The following PHACTR2 variants were observed in gnomAD, a reference collection of about 807,000 sequenced individuals.
The protein encoded by PHACTR2 is phosphatase and actin regulator 2.
A neutral mutation model predicts 76.0 loss-of-function variants in PHACTR2; 30 were observed. The observed-to-expected ratio is 0.39, with a 90% CI of 0.30 to 0.54. The LOEUF is 0.54. PHACTR2 is among the 20% of genes least tolerant of loss of function. The pLI is 0.61. For synonymous variants in PHACTR2, 292 were observed against 292.5 expected, an observed-to-expected ratio of 1.00 and a Z score of 0.02; for missense variants, 696 against 781.1, an observed-to-expected ratio of 0.89 and a Z score of 1.30.
rs562581240 is a variant in PHACTR2, at chr6:143,578,851, G to T, written c.217+41644G>T. On this transcript the variant is annotated intron_variant, in intron 1 of 11. Transcript: ENST00000367584. The surrounding 1 kb of genome is among the most constrained non-coding windows in gnomAD (Gnocchi z 4.5). ...TAACGTATTTTCAAAAATGCCTATT[G>T]TGATTTGTGTTTTTACCCATATCCC... Among the ~76,000 whole-genome samples, 1 of 152,232 alleles carries T rather than the reference G, an allele frequency of 6.6e-6. No individual in the cohort carries two copies. Among genetic ancestry groups the T allele is most frequent in the African/African-American group, 2.4e-5 (1 of 41,548 alleles).
chr6:143,724,475 C>T (rs1346010587), intron 2 of PHACTR2, among the ~76,000 whole-genome samples: 1 of 152,124 alleles, frequency 6.6e-6, no homozygotes, highest in Non-Finnish European at 1.5e-5. Flanking sequence ...CTTTTCCAGA[C>T]TAGAGCAAAG....
Position 143,811,527 on chromosome 6 carries a change from G to A in PHACTR2, c.1922+4394G>A, listed in dbSNP as rs1017777619. 6.6e-6 allele frequency among the ~76,000 whole-genome samples: 1 copy of A among 151,684 alleles called. No homozygotes were observed. Among genetic ancestry groups the A allele is most frequent in the Non-Finnish European group, 1.5e-5 (1 of 67,856 alleles). On this transcript the variant is annotated intron_variant, in intron 12 of 12. Coordinates refer to ENST00000440869, the MANE Select transcript of PHACTR2 (RefSeq NM_001100164.2). The surrounding 1 kb of genome is among the most constrained non-coding windows in gnomAD (Gnocchi z 4.1). The stretch of plus-strand genomic sequence containing the variant: ...AGGGAGAGTAACAGCTAATATCAAG[G>A]GTAAATTTTAAAAGTTCTCCAAAAC...
At chr6:143,644,760 T>C (rs1159623832) in intron 1 of PHACTR2, among the ~76,000 whole-genome samples, 1 of 135,378 alleles carries the variant, frequency 7.4e-6, no homozygotes, top group African/African-American at 2.7e-5. Context: ...TTAGGGTTTG[T>C]TTTTTTTTTT....
intron 1 of PHACTR2, among the ~76,000 whole-genome samples, chr6:143,609,609 C>A (rs1775945980): frequency 6.6e-6 from 1 of 152,024 alleles, no homozygotes; most frequent in Non-Finnish European, 1.5e-5. Flanking sequence ...TGAAGATCAA[C>A]CAAAAGCTTC....
At position 143,585,901 on chromosome 6, in the gene PHACTR2, A is replaced by T. The variant is rs750628632; in HGVS notation, c.217+48694A>T. 6.6e-6 allele frequency among the ~76,000 whole-genome samples: 1 copy of T among 152,262 alleles called. No homozygotes were observed. The highest frequency in any genetic ancestry group is 1.5e-5 in the Non-Finnish European group (1 of 68,044). On this transcript the variant is annotated intron_variant, in intron 1 of 11. Transcript: ENST00000367584. This position sits in a 1 kb window ranked among gnomAD's most constrained non-coding sequence, Gnocchi z 5.2. ...TTTAAGCTGGGGCCGCTAGCACTTC[A>T]TGGCAGGGACACATTATTTTTCTTC...
chr6:143,765,193 C>A lies in PHACTR2; in HGVS notation c.695-68C>A. On this transcript the variant is annotated intron_variant, in intron 5 of 12. Coordinates refer to ENST00000440869, the MANE Select transcript of PHACTR2 (RefSeq NM_001100164.2). The surrounding 1 kb of genome is among the most constrained non-coding windows in gnomAD (Gnocchi z 4.1). ...ATTTTAAATGTTGTTGACAGTTACA[C>A]CTTGGTTACTTTATTTTAAAAAGCA... The A allele has an allele frequency of 2.5e-6, 3 of 1,223,742 alleles. No homozygotes were observed. The highest frequency in any genetic ancestry group is 1.4e-5 in the South Asian group (1 of 70,240). 75.8% of individuals were successfully genotyped at this position (1,223,742 alleles called of 1,614,324 possible). A position where few individuals can be genotyped will look rare whatever the true frequency, so the allele number is the denominator to read the frequency against.
At position 143,730,609 on chromosome 6, in the gene PHACTR2, T is replaced by C. The variant is rs1476904706; in HGVS notation, c.215-18376T>C. 6.6e-6 allele frequency among the ~76,000 whole-genome samples: 1 copy of C among 152,208 alleles called. No homozygotes were observed. The highest frequency in any genetic ancestry group is 1.5e-5 in the Non-Finnish European group (1 of 68,034). ...TCTTCCATTCTAACCTGCATGTTTTTTATTTTTTCTTCCCTTTTTTCACCA... is the reference window on the plus strand; with the variant it reads ...TCTTCCATTCTAACCTGCATGTTTTCTATTTTTTCTTCCCTTTTTTCACCA... On this transcript the variant is annotated intron_variant, in intron 2 of 12. Transcript: ENST00000440869. The surrounding 1 kb of genome is among the most constrained non-coding windows in gnomAD (Gnocchi z 4.8).
intron 1 of PHACTR2, among the ~76,000 whole-genome samples, chr6:143,614,592 T>C (rs554006093): frequency 1.3e-5 from 2 of 152,348 alleles, no homozygotes; most frequent in African/African-American, 4.8e-5. Flanking sequence ...TCCATAAGTA[T>C]GTACATTTCA....
intron 1 of PHACTR2, among the ~76,000 whole-genome samples, chr6:143,702,799 T>TTTTTTTTAAA (rs57620507): frequency 1.6e-5 from 2 of 124,288 alleles, no homozygotes; most frequent in Non-Finnish European, 1.8e-5. Context: ...TTTTTTTTTT[T>TTTTTTTTAAA]ACAGAAAATA....
chr6:143,728,955 G>T (rs1297330797), intron 2 of PHACTR2, among the ~76,000 whole-genome samples: 1 of 152,028 alleles, frequency 6.6e-6, no homozygotes, highest in African/African-American at 2.4e-5. Flanking sequence ...GACCTCAAAA[G>T]TATAGGCAAC....
intron 1 of PHACTR2, among the ~76,000 whole-genome samples, chr6:143,577,085 A>G (rs1458626585): frequency 1.3e-5 from 2 of 152,150 alleles, no homozygotes; most frequent in Non-Finnish European, 2.9e-5. Flanking sequence ...TAATTAGATG[A>G]ACTTCTTTTG....
rs535249699 is a variant in PHACTR2, at chr6:143,739,747, C to T, written c.215-9238C>T. Reference sequence around the variant, plus strand: ...CTTGCTCATTGTTTGAATCTTGGACCTTTATTCCTTCGGAATTAGAACCAT... The same window carrying T: ...CTTGCTCATTGTTTGAATCTTGGACTTTTATTCCTTCGGAATTAGAACCAT... On this transcript the variant is annotated intron_variant, in intron 2 of 12. Transcript: ENST00000440869. The surrounding 1 kb of genome is among the most constrained non-coding windows in gnomAD (Gnocchi z 4.3). Among the ~76,000 whole-genome samples the T allele has an allele frequency of 2.6e-5, 4 of 152,242 alleles. No homozygotes were observed. In the South Asian group the frequency reaches 8.3e-4, roughly 32 times the overall value.
At chr6:143,804,450 G>C (rs1776023856) in intron 11 of PHACTR2, among the ~76,000 whole-genome samples, 1 of 152,194 alleles carries the variant, frequency 6.6e-6, no homozygotes, top group South Asian at 2.1e-4. Flanking sequence ...GTTGAAAGTG[G>C]TTACAGGACT....
intron 1 of PHACTR2, among the ~76,000 whole-genome samples, chr6:143,575,622 T>C (rs1215050231): frequency 6.6e-6 from 1 of 152,244 alleles, no homozygotes; most frequent in East Asian, 1.9e-4. Context: ...ATAGCTTCCA[T>C]TGAAAAGACA....
chr6:143,634,293 G>A lies in PHACTR2; in HGVS notation c.13+25971G>A, dbSNP rs543619149. On this transcript the variant is annotated intron_variant, in intron 1 of 11. Coordinates refer to the PHACTR2 transcript ENST00000305766. ...GAAAGTTACATCTTAAGAATGTACC[G>A]TTCCTTTCAAAGGCTATAATTAAAC... Among the ~76,000 whole-genome samples the A allele has an allele frequency of 1.6e-4, 25 of 152,258 alleles. No homozygotes were observed. The East Asian group carries it at 3.1e-3, about 19-fold the overall frequency.
Position 143,695,100 on chromosome 6 carries a change from G to T in PHACTR2, c.46+16891G>T, listed in dbSNP as rs1355138615. Reference sequence around the variant, plus strand: ...TGATTAAAACTCTCCTTAAACCTCAGAAATTATTTAATTTTATAGGCATCT... The same window carrying T: ...TGATTAAAACTCTCCTTAAACCTCATAAATTATTTAATTTTATAGGCATCT... On this transcript the variant is annotated intron_variant, in intron 1 of 12. Transcript: ENST00000440869. The surrounding 1 kb of genome is among the most constrained non-coding windows in gnomAD (Gnocchi z 4.4). Among the ~76,000 whole-genome samples the T allele has an allele frequency of 6.6e-6, 1 of 152,140 alleles. No homozygotes were observed. The highest frequency in any genetic ancestry group is 1.5e-5 in the Non-Finnish European group (1 of 68,022).
chr6:143,618,117 T>C lies in PHACTR2; in HGVS notation c.13+9795T>C, dbSNP rs1165422104. Reference sequence around the variant, plus strand: ...GCTATGATTTAATCATCACTAACTGTATCTGTACCAAGAGGCTGGGTCAGA... The same window carrying C: ...GCTATGATTTAATCATCACTAACTGCATCTGTACCAAGAGGCTGGGTCAGA... On this transcript the variant is annotated intron_variant, in intron 1 of 11. Transcript: ENST00000305766. This position sits in a 1 kb window ranked among gnomAD's most constrained non-coding sequence, Gnocchi z 5.2. 6.6e-6 allele frequency among the ~76,000 whole-genome samples: 1 copy of C among 152,194 alleles called. No individual in the cohort carries two copies. The highest frequency in any genetic ancestry group is 1.9e-4 in the East Asian group (1 of 5,188).
At chr6:143,681,280 T>C (rs1389014071) in intron 1 of PHACTR2, among the ~76,000 whole-genome samples, 1 of 152,228 alleles carries the variant, frequency 6.6e-6, no homozygotes, top group Non-Finnish European at 1.5e-5. Flanking sequence ...TACTGTCTTT[T>C]TGATTATAGC....
At chr6:143,544,289 A>G (rs1781201307) in intron 1 of PHACTR2, among the ~76,000 whole-genome samples, 2 of 149,112 alleles carry the variant, frequency 1.3e-5, no homozygotes, top group African/African-American at 5.1e-5. Flanking sequence ...CATATCAAAT[A>G]AAACTTTGAT....
Sources: allele counts gnomAD v4.1 joint callset (sites outside exome capture counted in the v4.1 genomes callset), GRCh38; gene constraint gnomAD v4.1.1; non-coding constraint Gnocchi (gnomAD v3.1); transcripts MANE v1.5; gene names NCBI Gene and HGNC (gene_info 2026-07-23, HGNC 2026-07-21).